FBXO31: variants seen among roughly 807,000 people sequenced by gnomAD.
The protein encoded by FBXO31 is F-box protein 31.
In FBXO31, 24 loss-of-function variants were observed where a neutral mutation model predicts 54.4. That is an observed-to-expected ratio of 0.44 (90% CI 0.32 to 0.62). FBXO31 has a LOEUF of 0.62. Among genes scored for constraint, FBXO31 ranks in the 20% least tolerant of loss-of-function variants. The pLI is 0.05. For synonymous variants in FBXO31, 388 were observed against 335.6 expected, an observed-to-expected ratio of 1.16 and a Z score of -1.71; for missense variants, 665 against 787.1, an observed-to-expected ratio of 0.84 and a Z score of 1.86.
At chr16:87,350,140 G>C (rs913843468) in intron 2 of FBXO31, among the ~76,000 whole-genome samples, 6 of 152,030 alleles carry the variant, frequency 3.9e-5, no homozygotes, top group African/African-American at 1.4e-4. Context: ...GCAGGCAGTG[G>C]GGGCCATGGG....
chr16:87,366,299 G>A (rs1906366027), intron 1 of FBXO31, among the ~76,000 whole-genome samples: 1 of 152,194 alleles, frequency 6.6e-6, no homozygotes, highest in Admixed American at 6.5e-5. Flanking sequence ...GGAAATCAGA[G>A]CATATGGGAA....
intron 1 of FBXO31, among the ~76,000 whole-genome samples, chr16:87,361,624 C>T (rs1906136810): frequency 6.6e-6 from 1 of 152,214 alleles, no homozygotes; most frequent in African/African-American, 2.4e-5. Flanking sequence ...CCAGGTAGCT[C>T]CAAAGTGCTG....
intron 1 of FBXO31, among the ~76,000 whole-genome samples, chr16:87,365,536 A>G (rs1461902706): frequency 6.6e-6 from 1 of 152,166 alleles, no homozygotes; most frequent in African/African-American, 2.4e-5. Context: ...GGAGCTCGGC[A>G]GGGAGTCCCA....
At chr16:87,337,869 T>C (rs1026669930) in intron 5 of FBXO31, among the ~76,000 whole-genome samples, 31 of 152,034 alleles carry the variant, frequency 2.0e-4, no homozygotes, top group South Asian at 2.1e-4. Context: ...CTGAGTATTT[T>C]AGGACTCAAT....
chr16:87,367,471 C>T (rs1020786489), intron 1 of FBXO31: 3 of 152,242 alleles, frequency 2.0e-5, no homozygotes, highest in African/African-American at 7.2e-5. Flanking sequence ...TCAGGTGGCT[C>T]TTCCTGAGAC....
chr16:87,340,141 G>A (rs901094610), intron 5 of FBXO31, among the ~76,000 whole-genome samples: 2 of 152,196 alleles, frequency 1.3e-5, no homozygotes, highest in Non-Finnish European at 1.5e-5. Context: ...AAATTAGGCA[G>A]GCATGGTGGC....
intron 2 of FBXO31, among the ~76,000 whole-genome samples, chr16:87,357,654 T>C (rs1232959417): frequency 1.3e-5 from 2 of 151,642 alleles, no homozygotes; most frequent in Non-Finnish European, 2.9e-5. Context: ...TTCTAAAGAG[T>C]CAACTGTTAG....
At chr16:87,339,649 T>C (rs1471424688) in intron 5 of FBXO31, among the ~76,000 whole-genome samples, 3 of 152,146 alleles carry the variant, frequency 2.0e-5, no homozygotes, top group East Asian at 1.9e-4. Flanking sequence ...CGAGGGAGTA[T>C]GTCGGATGGG....
At chr16:87,383,869 C>T (rs1215022328), upstream of FBXO31, 1 of 689,882 alleles carries the variant, frequency 1.4e-6, no homozygotes, top group South Asian at 6.9e-5. This position sits in a 1 kb window ranked among gnomAD's most constrained non-coding sequence, Gnocchi z 4.9. Flanking sequence ...AGCCCCGCCC[C>T]TACGTAGAGC....
intron 4 of FBXO31, 138 bp downstream of exon 4, chr16:87,343,460 G>A: frequency 9.6e-7 from 1 of 1,046,312 alleles, no homozygotes; most frequent in Non-Finnish European, 1.4e-6. Context: ...TGCACAGCAG[G>A]GCAGGGCGGA....
At chr16:87,365,435 G>A (rs1346537868) in intron 1 of FBXO31, among the ~76,000 whole-genome samples, 2 of 152,184 alleles carry the variant, frequency 1.3e-5, no homozygotes, top group Admixed American at 6.5e-5. Context: ...AATCCATCAA[G>A]GTACGTTTTG....
chr16:87,369,756 C>T (rs1906518064), intron 1 of FBXO31, among the ~76,000 whole-genome samples: 1 of 152,188 alleles, frequency 6.6e-6, no homozygotes. Context: ...ATACTGTTTT[C>T]CACAGCGTGA....
At chr16:87,381,604 G>C (rs1282710837) in intron 1 of FBXO31, among the ~76,000 whole-genome samples, 1 of 152,202 alleles carries the variant, frequency 6.6e-6, no homozygotes, top group African/African-American at 2.4e-5. Context: ...AACTCTGTCC[G>C]GGAGGACTTG....
intron 5 of FBXO31, among the ~76,000 whole-genome samples, chr16:87,339,116 C>T (rs1305868221): frequency 6.6e-6 from 1 of 152,192 alleles, no homozygotes; most frequent in Non-Finnish European, 1.5e-5. Context: ...ATTACCCAGT[C>T]TTGGGTATGT....
chr16:87,347,637 A>G (rs1233939970), intron 2 of FBXO31, among the ~76,000 whole-genome samples: 2 of 149,792 alleles, frequency 1.3e-5, no homozygotes, highest in Non-Finnish European at 3.0e-5. Flanking sequence ...CCGAGATCAC[A>G]CAACTGCACT....
chr16:87,339,938 C>G (rs1421877520), intron 5 of FBXO31, among the ~76,000 whole-genome samples: 1 of 152,188 alleles, frequency 6.6e-6, no homozygotes, highest in Non-Finnish European at 1.5e-5. Flanking sequence ...CTGGGCAACA[C>G]AGTGAGACCC....
rs1442031086 is a variant in FBXO31 at position 87,346,128 on chromosome 16, TAC to T, written c.489+1044_489+1045del. 1.3e-5 allele frequency among the ~76,000 whole-genome samples: 2 copies of T among 152,108 alleles called. No individual in the cohort carries two copies. The highest frequency in any genetic ancestry group is 4.8e-5 in the African/African-American group (2 of 41,432). On this transcript the variant is annotated intron_variant, in intron 3 of 8. Coordinates refer to ENST00000311635, the MANE Select transcript of FBXO31 (RefSeq NM_024735.5). This position sits in a 1 kb window ranked among gnomAD's most constrained non-coding sequence, Gnocchi z 4.2. ...TCACGGACGGCCTCCGGCTGGGCCC[TAC>T]AGAGGGTTGTGTCCTGGGAAGGAGA...
At chr16:87,383,789 G>C, upstream of FBXO31, 1 of 1,156,186 alleles carries the variant, frequency 8.6e-7, no homozygotes. The surrounding 1 kb of genome is among the most constrained non-coding windows in gnomAD (Gnocchi z 4.9). Flanking sequence ...GCACGCTCCA[G>C]CGCGGCCCCG....
chr16:87,375,634 C>T (rs1477664623), intron 1 of FBXO31, among the ~76,000 whole-genome samples: 1 of 152,184 alleles, frequency 6.6e-6, no homozygotes, highest in Non-Finnish European at 1.5e-5. Flanking sequence ...TGCCCCAGCA[C>T]CCCAGAAAGT....
Sources: gnomAD v4.1 joint callset for allele counts (sites outside exome capture counted in the v4.1 genomes callset) on GRCh38, gnomAD v4.1.1 for gene constraint, Gnocchi (gnomAD v3.1) non-coding constraint, MANE v1.5 for transcripts, NCBI Gene and HGNC (gene_info 2026-07-23, HGNC 2026-07-21) for gene names.